Variants in TMEM117 observed in about 807,000 individuals in gnomAD.
TMEM117 encodes transmembrane protein 117.
TMEM117 carries 27 observed loss-of-function variants against 52.4 expected under a neutral mutation model. That is an observed-to-expected ratio of 0.51 (90% confidence interval 0.38 to 0.71). The LOEUF (loss-of-function observed/expected upper bound fraction) is 0.71, where lower values mean the gene tolerates loss of function less well. TMEM117 is among the 30% of genes least tolerant of loss of function. The probability of loss-of-function intolerance (pLI) is 0.00; values close to 1 mark genes in which losing one functional copy is unlikely to be tolerated. For synonymous variants in TMEM117, 215 were observed against 206.3 expected (o/e 1.04, Z -0.36); for missense variants, 556 against 630.5 (o/e 0.88, Z 1.26).
intron 2 of TMEM117, among the ~76,000 whole-genome samples, chr12:43,916,719 C>G (rs1944609604): frequency 6.6e-6 from 1 of 152,140 alleles, no homozygotes; most frequent in Non-Finnish European, 1.5e-5. Context: ...TGATGGTGTT[C>G]TCTCTTCAGT....
chr12:44,311,964 G>A (rs937955358), intron 6 of TMEM117, among the ~76,000 whole-genome samples: 1 of 149,758 alleles, frequency 6.7e-6, no homozygotes, highest in Admixed American at 6.7e-5. Flanking sequence ...TTGATGGCCA[G>A]GTCAATCCTC....
chr12:43,943,134 C>T (rs570124529), intron 2 of TMEM117, among the ~76,000 whole-genome samples: 15 of 139,912 alleles, frequency 1.1e-4, no homozygotes, highest in East Asian at 2.2e-4. Context: ...GCTGAGATCA[C>T]GCCACTGCAC....
chr12:44,145,337 A>T (rs963928272), intron 4 of TMEM117, among the ~76,000 whole-genome samples: 1 of 152,174 alleles, frequency 6.6e-6, no homozygotes. Context: ...GCTTAATAAG[A>T]TGGAAAAGAT....
At chr12:43,827,544 T>TG in the TMEM117 span, among the ~76,000 whole-genome samples, 5 of 152,092 alleles carry the variant, frequency 3.3e-5, no homozygotes, top group East Asian at 1.9e-4. Context: ...ATAACATTAT[T>TG]GGGGGGGATA....
chr12:44,183,830 C>T (rs1251335285), intron 4 of TMEM117, among the ~76,000 whole-genome samples: 1 of 152,164 alleles, frequency 6.6e-6, no homozygotes, highest in African/African-American at 2.4e-5. Context: ...GATAGAATCC[C>T]TCTTTTCTAC....
intron 3 of TMEM117, among the ~76,000 whole-genome samples, chr12:44,051,871 A>G (rs1287562039): frequency 6.6e-6 from 1 of 152,178 alleles, no homozygotes; most frequent in Non-Finnish European, 1.5e-5. Flanking sequence ...TCATTATGCA[A>G]TTTGTCAATA....
chr12:44,120,543 C>T (rs1233756162), intron 3 of TMEM117, among the ~76,000 whole-genome samples: 2 of 152,146 alleles, frequency 1.3e-5, no homozygotes, highest in South Asian at 2.1e-4. Flanking sequence ...AACCAGAGGG[C>T]CTGCTTTTCA....
intron 2 of TMEM117, among the ~76,000 whole-genome samples, chr12:43,855,763 A>T (rs1943389613): frequency 6.6e-6 from 1 of 152,202 alleles, no homozygotes; most frequent in Admixed American, 6.5e-5. Context: ...TGAATTTAAT[A>T]AAGTGAAATG....
chr12:44,170,374 C>T (rs1949028654), intron 4 of TMEM117, among the ~76,000 whole-genome samples: 1 of 151,892 alleles, frequency 6.6e-6, no homozygotes, highest in South Asian at 2.1e-4. Flanking sequence ...AGCACACCAA[C>T]ATGGCACATG....
At chr12:44,339,477 G>T (rs1241657461) in intron 6 of TMEM117, among the ~76,000 whole-genome samples, 1 of 152,020 alleles carries the variant, frequency 6.6e-6, no homozygotes, top group Non-Finnish European at 1.5e-5. Context: ...CATCATGCTT[G>T]CTGTTAACAT....
the TMEM117 span, among the ~76,000 whole-genome samples, chr12:43,824,818 A>G: frequency 6.6e-6 from 1 of 152,210 alleles, no homozygotes; most frequent in African/African-American, 2.4e-5. Flanking sequence ...AGTCCCAGCT[A>G]CTGGGGAGGC....
chr12:43,867,295 G>A (rs758357964), intron 2 of TMEM117, among the ~76,000 whole-genome samples: 2 of 152,106 alleles, frequency 1.3e-5, no homozygotes, highest in Non-Finnish European at 2.9e-5. Flanking sequence ...AGTTAAAAAG[G>A]CATGTTTCAA....
chr12:44,392,527 T>TTTA (rs1379249917), downstream of TMEM117, among the ~76,000 whole-genome samples: 1 of 152,086 alleles, frequency 6.6e-6, no homozygotes, highest in Non-Finnish European at 1.5e-5. Context: ...CTGGCTTTTT[T>TTTA]TTATTATTAT....
At chr12:44,282,156 T>A (rs572797354) in intron 5 of TMEM117, among the ~76,000 whole-genome samples, 1 of 152,160 alleles carries the variant, frequency 6.6e-6, no homozygotes, top group Non-Finnish European at 1.5e-5. Flanking sequence ...CCTCCCACCA[T>A]GATTCTGAGG....
At chr12:43,844,978 A>G (rs769927780) in intron 2 of TMEM117, 50 bp downstream of exon 2, 16 of 1,549,682 alleles carry the variant, frequency 1.0e-5, no homozygotes, top group East Asian at 4.5e-5. Context: ...TTTAATTTCT[A>G]TTCTCCAAGA....
chr12:44,219,388 T>C (rs1949759937), intron 5 of TMEM117, among the ~76,000 whole-genome samples: 1 of 152,190 alleles, frequency 6.6e-6, no homozygotes, highest in Admixed American at 6.6e-5. Flanking sequence ...AACAACTCTT[T>C]TAAGTCAGTA....
chr12:43,858,191 A>G (rs1265566116), intron 2 of TMEM117, among the ~76,000 whole-genome samples: 1 of 152,218 alleles, frequency 6.6e-6, no homozygotes, highest in African/African-American at 2.4e-5. Flanking sequence ...ATAGAAATGT[A>G]CAGGGTTGAT....
At chr12:44,198,256 C>T (rs577556795) in intron 4 of TMEM117, among the ~76,000 whole-genome samples, 4 of 152,276 alleles carry the variant, frequency 2.6e-5, no homozygotes, top group East Asian at 1.9e-4. Context: ...GGTAAAACTA[C>T]ATACATACAT....
In TMEM117 at chr12:44,389,220, T is replaced by C. The variant is rs1952138721; in HGVS notation, c.*548T>C. 6.5e-6 allele frequency: 1 copy of C among 154,640 alleles called. No homozygotes were observed. Among genetic ancestry groups the C allele is most frequent in the African/African-American group, 2.4e-5 (1 of 41,458 alleles). The allele number at this position is 154,640 out of a possible 1,614,324, so 9.6% of individuals were successfully genotyped here. ...CATGGTGATCACCTTTTAATTTTTA[T>C]TGGCTGTCTGCCAAATATAAATACA... On this transcript the variant is annotated 3_prime_UTR_variant, in exon 8 of 8. Transcript: ENST00000266534.
Sources: allele counts gnomAD v4.1 joint callset (sites outside exome capture counted in the v4.1 genomes callset), GRCh38; gene constraint gnomAD v4.1.1; transcripts MANE v1.5; gene names NCBI Gene and HGNC (gene_info 2026-07-23, HGNC 2026-07-21).